The following IFTAP variants were observed in gnomAD, a reference collection of about 807,000 sequenced individuals.
IFTAP encodes the protein intraflagellar transport associated protein.
IFTAP carries 19 observed loss-of-function variants against 19.4 expected under a neutral mutation model. The observed-to-expected ratio is 0.98, with a 90% confidence interval of 0.68 to 1.44. The LOEUF (loss-of-function observed/expected upper bound fraction) is 1.44. Ranked by LOEUF, IFTAP falls within the 40% of genes most tolerant of loss-of-function variation. The pLI is 0.00. For synonymous variants in IFTAP, 85 were observed against 83.5 expected, an observed-to-expected ratio of 1.02 and a Z score of -0.10; for missense variants, 240 against 253.6, an observed-to-expected ratio of 0.95 and a Z score of 0.36.
At chr11:36,635,309 CTT>C (rs1852902571) in intron 3 of IFTAP, among the ~76,000 whole-genome samples, 1 of 152,156 alleles carries the variant, frequency 6.6e-6, no homozygotes, top group South Asian at 2.1e-4. Flanking sequence ...TATTTACACT[CTT>C]TGATATTCAC....
At chr11:36,653,259 T>A (rs1853824078) in intron 5 of IFTAP, among the ~76,000 whole-genome samples, 1 of 152,176 alleles carries the variant, frequency 6.6e-6, no homozygotes, top group Non-Finnish European at 1.5e-5. Flanking sequence ...TCTGTTAGAA[T>A]AAGTCACATG....
rs1019484192 is a variant in IFTAP, at chr11:36,636,924, T to G, written c.358+807T>G. Among the ~76,000 whole-genome samples, 194 of 94,942 alleles carry G rather than the reference T, an allele frequency of 2.0e-3. 1 individual carries two copies. Among genetic ancestry groups the G allele is most frequent in the African/African-American group, 0.011 (176 of 15,410 alleles). The allele number at this position is 94,942 out of a possible 152,430, so 62.3% of individuals were successfully genotyped here. A position where few individuals can be genotyped will look rare whatever the true frequency, so the allele number is the denominator to read the frequency against. On this transcript the variant is annotated intron_variant, in intron 4 of 5. Transcript: ENST00000334307. ...TTGAAATATGTTCAAAATCAGGAAG[T>G]TTTTTTTTTTTTTTTTTAAACACTC... is the stretch of plus-strand genomic sequence containing the variant.
chr11:36,642,470 G>C (rs11033733), intron 4 of IFTAP, among the ~76,000 whole-genome samples: 20,598 of 151,984 alleles, frequency 0.14, 2,141 homozygotes, highest in African/African-American at 0.29. Context: ...CTATTCCAAT[G>C]AATAGGAAAA....
chr11:36,652,837 C>G (rs1853804282), intron 5 of IFTAP, among the ~76,000 whole-genome samples: 1 of 151,978 alleles, frequency 6.6e-6, no homozygotes, highest in African/African-American at 2.4e-5. Context: ...GTTCTACACA[C>G]ATACATAATT....
chr11:36,658,330 C>CTT (rs58554210), intron 5 of IFTAP, among the ~76,000 whole-genome samples: 1 of 151,936 alleles, frequency 6.6e-6, no homozygotes, highest in East Asian at 1.9e-4. Flanking sequence ...GGAAAATATG[C>CTT]TTTTTTATCT....
At chr11:36,656,116 G>A (rs749703860) in intron 5 of IFTAP, among the ~76,000 whole-genome samples, 3 of 152,140 alleles carry the variant, frequency 2.0e-5, no homozygotes, top group Non-Finnish European at 2.9e-5. Flanking sequence ...GGGTTGGGCC[G>A]TATCTATAAC....
At chr11:36,635,903 A>G in intron 3 of IFTAP, 148 bp from the exon 4 acceptor site, 2 of 653,808 alleles carry the variant, frequency 3.1e-6, no homozygotes, top group Non-Finnish European at 5.5e-6. Context: ...CAGTGAACAC[A>G]AAAGCCTTGA....
At chr11:36,650,290 C>A (rs1853658515) in intron 5 of IFTAP, among the ~76,000 whole-genome samples, 1 of 152,004 alleles carries the variant, frequency 6.6e-6, no homozygotes, top group Non-Finnish European at 1.5e-5. Flanking sequence ...GATGTCCTTC[C>A]TAACTTTCTC....
At chr11:36,634,097 C>T (rs1289608875) in intron 3 of IFTAP, among the ~76,000 whole-genome samples, 2 of 152,036 alleles carry the variant, frequency 1.3e-5, no homozygotes, top group Non-Finnish European at 2.9e-5. Context: ...TTATATACAG[C>T]AGATGCCTAT....
At chr11:36,633,085 A>C (rs977727000) in intron 2 of IFTAP, among the ~76,000 whole-genome samples, 199 bp from the exon 3 acceptor site, 1 of 151,244 alleles carries the variant, frequency 6.6e-6, no homozygotes, top group Non-Finnish European at 1.5e-5. Flanking sequence ...ATATATGTTG[A>C]GTGACATAAT....
At chr11:36,614,815 A>C (rs1852010341) in intron 2 of IFTAP, among the ~76,000 whole-genome samples, 1 of 149,266 alleles carries the variant, frequency 6.7e-6, no homozygotes, top group Admixed American at 6.6e-5. Context: ...GATTCTGGAT[A>C]TTAGCCCTTT....
chr11:36,658,965 A>G (rs527912257), intron 5 of IFTAP, 54 bp from the exon 6 acceptor site: 486 of 1,334,730 alleles, frequency 3.6e-4, no homozygotes, highest in South Asian at 6.3e-4. Context: ...TTTCAACTTT[A>G]TCTTCATTTA....
chr11:36,598,620 A>G (rs554896780), intron 1 of IFTAP, among the ~76,000 whole-genome samples: 1 of 152,322 alleles, frequency 6.6e-6, no homozygotes, highest in East Asian at 1.9e-4. Context: ...CTTTAATGCA[A>G]GGCTCAGAAG....
intron 1 of IFTAP, among the ~76,000 whole-genome samples, chr11:36,596,126 ATAATTTATC>A (rs1229775532): frequency 6.6e-6 from 1 of 151,890 alleles, no homozygotes; most frequent in Admixed American, 6.6e-5. Flanking sequence ...AATTGATACT[ATAATTTATC>A]TAATTTATCT....
intron 1 of IFTAP, among the ~76,000 whole-genome samples, chr11:36,597,048 A>T (rs1350605883): frequency 6.6e-6 from 1 of 152,142 alleles, no homozygotes; most frequent in African/African-American, 2.4e-5. Flanking sequence ...AAAGTTTCTT[A>T]TTGCTAAGAT....
At chr11:36,610,291 A>G (rs776370146) in intron 2 of IFTAP, 52 bp downstream of exon 2, 7 of 1,498,408 alleles carry the variant, frequency 4.7e-6, no homozygotes, top group Middle Eastern at 1.9e-4. Context: ...TAATTTTATT[A>G]TAAGTGTATG....
At chr11:36,650,700 C>A (rs998287764) in intron 5 of IFTAP, among the ~76,000 whole-genome samples, 7 of 151,854 alleles carry the variant, frequency 4.6e-5, no homozygotes, top group Middle Eastern at 3.2e-3. Flanking sequence ...TACTATCCCT[C>A]CCCCCTTCCC....
intron 2 of IFTAP, among the ~76,000 whole-genome samples, chr11:36,628,532 G>T (rs1209118087): frequency 6.6e-6 from 1 of 151,186 alleles, no homozygotes; most frequent in Non-Finnish European, 1.5e-5. Context: ...TAACTTCCTA[G>T]TTTGTAAACT....
intron 2 of IFTAP, among the ~76,000 whole-genome samples, chr11:36,621,025 AGGT>A (rs1644966928): frequency 6.6e-6 from 1 of 152,050 alleles, no homozygotes; most frequent in African/African-American, 2.4e-5. Flanking sequence ...TAAACTTTTA[AGGT>A]GGTCATTATC....
Sources: allele counts gnomAD v4.1 joint callset (sites outside exome capture counted in the v4.1 genomes callset), GRCh38; gene constraint gnomAD v4.1.1; transcripts MANE v1.5; gene names NCBI Gene and HGNC (gene_info 2026-07-23, HGNC 2026-07-21).